Variants in TNRC6C observed in about 807,000 individuals in gnomAD.
TNRC6C encodes the protein trinucleotide repeat containing adaptor 6C.
In TNRC6C, 20 loss-of-function variants were observed where a neutral mutation model predicts 153.7. The ratio of observed to expected loss-of-function variants is 0.13; its 90% CI spans 0.09 to 0.19. The LOEUF (loss-of-function observed/expected upper bound fraction) is 0.19. TNRC6C is among the 10% of genes least tolerant of loss of function. The probability of loss-of-function intolerance (pLI) is 1.00; values close to 1 mark genes in which losing one functional copy is unlikely to be tolerated. For synonymous variants in TNRC6C, 811 were observed against 841.4 expected, an observed-to-expected ratio of 0.96 and a Z score of 0.63; for missense variants, 1,987 against 2,172.0, an observed-to-expected ratio of 0.91 and a Z score of 1.69.
At chr17:78,014,510 A>C (rs191982663) in intron 1 of TNRC6C, among the ~76,000 whole-genome samples, 2 of 151,946 alleles carry the variant, frequency 1.3e-5, no homozygotes, top group African/African-American at 4.8e-5. Context: ...TACATAGTAC[A>C]TTTTCTTACA....
chr17:77,961,765 T>C (rs913613800), intron 1 of TNRC6C, among the ~76,000 whole-genome samples: 1 of 152,210 alleles, frequency 6.6e-6, no homozygotes, highest in Non-Finnish European at 1.5e-5. Context: ...TAGAGTGGAA[T>C]GAACTGTTTC....
chr17:77,991,033 C>T (rs1211775252), intron 1 of TNRC6C, among the ~76,000 whole-genome samples: 1 of 152,032 alleles, frequency 6.6e-6, no homozygotes, highest in African/African-American at 2.4e-5. Flanking sequence ...ATCTTATATT[C>T]GAAGGTAGAT....
chr17:78,097,723 A>C, intron 16 of TNRC6C, 22 bp from the exon 19 acceptor site: 1 of 1,518,030 alleles, frequency 6.6e-7, no homozygotes, highest in Non-Finnish European at 8.9e-7. Flanking sequence ...CACCTTGCTC[A>C]GTGCCGTGTT....
At chr17:78,081,490 A>G (rs943557946) in intron 10 of TNRC6C, among the ~76,000 whole-genome samples, 1 of 152,178 alleles carries the variant, frequency 6.6e-6, no homozygotes, top group Admixed American at 6.5e-5. Flanking sequence ...TAATAGTTAA[A>G]TGTATTCATT....
At chr17:77,961,915 G>A (rs1424042173) in intron 1 of TNRC6C, among the ~76,000 whole-genome samples, 1 of 152,210 alleles carries the variant, frequency 6.6e-6, no homozygotes, top group Non-Finnish European at 1.5e-5. Context: ...TTTTCCAAAT[G>A]CTGTCATCTG....
At chr17:78,022,339 A>C (rs1440956864) in intron 1 of TNRC6C, among the ~76,000 whole-genome samples, 1 of 152,254 alleles carries the variant, frequency 6.6e-6, no homozygotes, top group Non-Finnish European at 1.5e-5. Flanking sequence ...ACCATATTCC[A>C]TATCCAAATG....
chr17:77,969,874 A>G (rs1049117151), intron 1 of TNRC6C, among the ~76,000 whole-genome samples: 3 of 152,164 alleles, frequency 2.0e-5, no homozygotes, highest in Non-Finnish European at 4.4e-5. Flanking sequence ...GTTTTTATCT[A>G]AATTATAAAA....
chr17:77,971,485 T>C (rs2070939491), intron 1 of TNRC6C, among the ~76,000 whole-genome samples: 1 of 152,164 alleles, frequency 6.6e-6, no homozygotes. Flanking sequence ...TATTTCCATA[T>C]CCAGTTGCCT....
intron 1 of TNRC6C, among the ~76,000 whole-genome samples, chr17:77,981,119 G>A (rs937387643): frequency 6.6e-6 from 1 of 152,104 alleles, no homozygotes; most frequent in Non-Finnish European, 1.5e-5. Context: ...GGGACTCCAG[G>A]CACGTACCAT....
chr17:78,091,588 G>A, exon 14 of TNRC6C: 2 of 1,567,432 alleles, frequency 1.3e-6, no homozygotes, highest in African/African-American at 1.4e-5. Flanking sequence ...CCCCCCTGGA[G>A]CAGAACCCTA....
intron 1 of TNRC6C, among the ~76,000 whole-genome samples, chr17:77,968,321 C>A (rs1048880526): frequency 6.6e-6 from 1 of 151,790 alleles, no homozygotes; most frequent in Non-Finnish European, 1.5e-5. Context: ...CGTCAGCCAC[C>A]GCGCCTGGCT....
upstream of TNRC6C, among the ~76,000 whole-genome samples, chr17:78,001,688 T>C (rs2071414813): frequency 6.6e-6 from 1 of 152,156 alleles, no homozygotes; most frequent in Non-Finnish European, 1.5e-5. Context: ...ATAAAATCTT[T>C]GTAAAAATGT....
chr17:78,104,358 C>A lies in TNRC6C; in HGVS notation c.4713-127C>A. The A allele has an allele frequency of 7.7e-7, 1 of 1,297,394 alleles. No individual in the cohort carries two copies. The highest frequency in any genetic ancestry group is 1.7e-5 in the South Asian group (1 of 58,506). The allele number at this position is 1,297,394 out of a possible 1,614,324, so 80.4% of individuals were successfully genotyped here. On this transcript the variant is annotated intron_variant, in intron 19 of 19. Coordinates refer to ENST00000301624, the Ensembl canonical transcript of TNRC6C. This position sits in a 1 kb window ranked among gnomAD's most constrained non-coding sequence, Gnocchi z 6.2. ...ATTCACAGTCTGGGTTTGGAAATAG[C>A]AGTGGCAAAACAGAAGCCACAGGAT...
rs184089923 is a variant in TNRC6C at position 77,986,584 on chromosome 17, A to G, written c.-37-17586A>G. Among the ~76,000 whole-genome samples, 481 of 152,308 alleles carry G rather than the reference A, an allele frequency of 3.2e-3. 2 individuals are homozygous for G. The highest frequency in any genetic ancestry group is 0.011 in the African/African-American group (440 of 41,566). Reference sequence around the variant, plus strand: ...TATTTTTCTTTTGGAGCATGACAATATGGTTGTAAATTTTATCTGGAAGGA... The same window carrying G: ...TATTTTTCTTTTGGAGCATGACAATGTGGTTGTAAATTTTATCTGGAAGGA... On this transcript the variant is annotated intron_variant, in intron 1 of 22. Coordinates refer to the TNRC6C transcript ENST00000636222.
upstream of TNRC6C, chr17:78,004,239 AAAG>A: frequency 1.1e-5 from 13 of 1,231,802 alleles, no homozygotes; most frequent in South Asian, 5.3e-4. Flanking sequence ...AGCAGGAAGA[AAAG>A]AAAAAGAAGG....
At chr17:77,983,398 G>A (rs969822737) in intron 1 of TNRC6C, among the ~76,000 whole-genome samples, 4 of 152,184 alleles carry the variant, frequency 2.6e-5, no homozygotes, top group Non-Finnish European at 5.9e-5. Context: ...GATTACCAAG[G>A]CAAAATGGGG....
chr17:78,019,109 G>C (rs1307133092), intron 1 of TNRC6C, among the ~76,000 whole-genome samples: 1 of 152,170 alleles, frequency 6.6e-6, no homozygotes, highest in African/African-American at 2.4e-5. Context: ...GGGGGCCTCG[G>C]CTGTTACAGA....
exon 12 of TNRC6C, chr17:78,086,528 A>T: frequency 6.2e-7 from 1 of 1,614,000 alleles, no homozygotes; most frequent in Non-Finnish European, 8.5e-7. Context: ...CAAATCCAGC[A>T]GCAGATGTTA....
upstream of TNRC6C, among the ~76,000 whole-genome samples, chr17:78,002,476 C>T (rs1306709745): frequency 1.3e-5 from 2 of 152,214 alleles, no homozygotes; most frequent in Non-Finnish European, 2.9e-5. Context: ...GTCAAATTCT[C>T]ACTGCATTTT....
Sources: gnomAD v4.1 joint callset for allele counts (sites outside exome capture counted in the v4.1 genomes callset) on GRCh38, gnomAD v4.1.1 for gene constraint, Gnocchi (gnomAD v3.1) non-coding constraint, MANE v1.5 for transcripts, NCBI Gene and HGNC (gene_info 2026-07-23, HGNC 2026-07-21) for gene names.